CSMD1: variants seen among roughly 807,000 people sequenced by gnomAD.
CSMD1 encodes the protein CUB and sushi domain-containing protein 1.
Under a neutral mutation model 417.5 loss-of-function variants are expected in CSMD1, and 213 were observed. That is an observed-to-expected ratio of 0.51 (90% confidence interval 0.46 to 0.57). CSMD1 has a LOEUF of 0.57. CSMD1 is among the 20% of genes least tolerant of loss of function. The pLI, the probability that CSMD1 is intolerant of heterozygous loss-of-function variation, is 0.00. For synonymous variants in CSMD1, 2,862 were observed against 1,736.8 expected (o/e 1.65, Z -16.11); for missense variants, 6,923 against 4,529.7 (o/e 1.53, Z -15.17).
chr8:4,723,497 C>A (rs1472957825), intron 1 of CSMD1, among the ~76,000 whole-genome samples: 1 of 152,084 alleles, frequency 6.6e-6, no homozygotes, highest in Non-Finnish European at 1.5e-5. Context: ...ACAACACGTC[C>A]ATTTTGTATC....
chr8:4,992,299 C>G (rs550260208), intron 1 of CSMD1, among the ~76,000 whole-genome samples: 2 of 152,238 alleles, frequency 1.3e-5, no homozygotes, highest in South Asian at 4.1e-4. Flanking sequence ...CCGGCACACA[C>G]GTGTGCGGAT....
At chr8:3,561,571 T>C (rs927670770) in intron 10 of CSMD1, among the ~76,000 whole-genome samples, 4 of 151,944 alleles carry the variant, frequency 2.6e-5, no homozygotes, top group African/African-American at 9.7e-5. Context: ...AACCAAACAA[T>C]GGGTACACAT....
chr8:3,916,682 T>G (rs2554632), intron 5 of CSMD1, among the ~76,000 whole-genome samples: 1 of 151,924 alleles, frequency 6.6e-6, no homozygotes, highest in African/African-American at 2.4e-5. Flanking sequence ...TGATGTAATC[T>G]GTGTAGTTTC....
chr8:4,348,223 C>G (rs1800886542), intron 3 of CSMD1, among the ~76,000 whole-genome samples: 1 of 152,056 alleles, frequency 6.6e-6, no homozygotes, highest in Non-Finnish European at 1.5e-5. Flanking sequence ...AAGAAATTCA[C>G]AATGCATACT....
At chr8:3,756,043 C>T (rs1037504102) in intron 5 of CSMD1, among the ~76,000 whole-genome samples, 5 of 152,024 alleles carry the variant, frequency 3.3e-5, no homozygotes, top group Non-Finnish European at 7.4e-5. Context: ...CCTGTACTTA[C>T]TGAACTTACA....
chr8:4,970,392 C>T (rs533805181), intron 1 of CSMD1, among the ~76,000 whole-genome samples: 5 of 152,216 alleles, frequency 3.3e-5, no homozygotes, highest in Admixed American at 2.6e-4. Context: ...CTAATGTTAT[C>T]ATTATTTTTA....
chr8:4,654,534 G>A (rs1316558710), intron 1 of CSMD1, among the ~76,000 whole-genome samples: 2 of 152,062 alleles, frequency 1.3e-5, no homozygotes, highest in East Asian at 1.9e-4. Context: ...TTGCTGAGAG[G>A]CACAGTGGAG....
intron 5 of CSMD1, among the ~76,000 whole-genome samples, chr8:3,773,319 T>C (rs1384786936): frequency 1.3e-5 from 2 of 152,194 alleles, no homozygotes; most frequent in African/African-American, 2.4e-5. Context: ...GGTCTTGCCC[T>C]GTCACCCAGG....
chr8:4,600,311 G>C (rs1227902611), intron 2 of CSMD1, among the ~76,000 whole-genome samples: 1 of 152,134 alleles, frequency 6.6e-6, no homozygotes. Flanking sequence ...AGCAAATATA[G>C]AGATGGGTAG....
At chr8:3,720,809 T>C (rs991508270) in intron 6 of CSMD1, among the ~76,000 whole-genome samples, 3 of 151,500 alleles carry the variant, frequency 2.0e-5, no homozygotes, top group Non-Finnish European at 2.9e-5. Flanking sequence ...GATGTGAACA[T>C]CTAACGTTTG....
intron 3 of CSMD1, among the ~76,000 whole-genome samples, chr8:4,241,527 T>G (rs1042043358): frequency 6.6e-6 from 1 of 152,188 alleles, no homozygotes; most frequent in Non-Finnish European, 1.5e-5. Context: ...GGGCAGGGTC[T>G]CTAGTGCACC....
rs948462449 is a variant in CSMD1, at chr8:4,941,994, C to T, written c.85+52338G>A. On this transcript the variant is annotated intron_variant, in intron 1 of 69. Coordinates refer to ENST00000635120, the MANE Select transcript of CSMD1 (RefSeq NM_033225.6). ...TGTTGTTTTTAAAAGTCATTTAAAA[C>T]CTGAATCAAATCATTACAGTCTTCA... Among the ~76,000 whole-genome samples, 53 of 152,162 alleles carry T rather than the reference C, an allele frequency of 3.5e-4. 1 individual carries two copies. The highest frequency in any genetic ancestry group is 7.2e-4 in the Non-Finnish European group (49 of 68,038).
intron 2 of CSMD1, among the ~76,000 whole-genome samples, chr8:4,613,613 G>C (rs953984532): frequency 1.3e-5 from 2 of 152,054 alleles, no homozygotes; most frequent in African/African-American, 2.4e-5. Context: ...CCCTCTTTTT[G>C]CTAAGTGACT....
intron 1 of CSMD1, among the ~76,000 whole-genome samples, chr8:4,661,847 T>C (rs900517542): frequency 1.3e-5 from 2 of 152,164 alleles, no homozygotes; most frequent in Non-Finnish European, 2.9e-5. Flanking sequence ...AGTTGTAGAA[T>C]GTTAATGTTA....
intron 37 of CSMD1, among the ~76,000 whole-genome samples, chr8:3,168,450 A>C (rs1288740472): frequency 2.6e-5 from 4 of 152,176 alleles, no homozygotes; most frequent in African/African-American, 9.7e-5. Flanking sequence ...AATCGCATTA[A>C]AGTTGAGATA....
intron 3 of CSMD1, among the ~76,000 whole-genome samples, chr8:4,261,712 G>A (rs1424782739): frequency 2.0e-5 from 3 of 152,024 alleles, no homozygotes; most frequent in South Asian, 4.1e-4. Flanking sequence ...TTCTGGCTGA[G>A]AGCAGATCTT....
chr8:3,201,983 T>A (rs1422937614), intron 31 of CSMD1, among the ~76,000 whole-genome samples: 1 of 152,226 alleles, frequency 6.6e-6, no homozygotes, highest in Non-Finnish European at 1.5e-5. Flanking sequence ...AAATGAGGAA[T>A]GTTTTTGTTT....
At chr8:3,973,279 A>C (rs1813206149) in intron 5 of CSMD1, among the ~76,000 whole-genome samples, 2 of 152,180 alleles carry the variant, frequency 1.3e-5, no homozygotes, top group African/African-American at 4.8e-5. Context: ...GAGCCTCTTT[A>C]GGGTTCTCCC....
chr8:4,801,451 C>T (rs1187210732), intron 1 of CSMD1, among the ~76,000 whole-genome samples: 1 of 141,060 alleles, frequency 7.1e-6, no homozygotes, highest in Admixed American at 7.9e-5. Flanking sequence ...GACTTGACAG[C>T]CTCAGATGGC....
Sources: gnomAD v4.1 joint callset for allele counts (sites outside exome capture counted in the v4.1 genomes callset) on GRCh38, gnomAD v4.1.1 for gene constraint, MANE v1.5 for transcripts, NCBI Gene and HGNC (gene_info 2026-07-23, HGNC 2026-07-21) for gene names.